Variants in VWA5A observed in about 807,000 individuals in gnomAD.
VWA5A encodes von Willebrand factor A domain containing 5A.
In VWA5A, 77 loss-of-function variants were observed where a neutral mutation model predicts 84.6. The ratio of observed to expected loss-of-function variants is 0.91; its 90% CI spans 0.76 to 1.10. VWA5A has a LOEUF of 1.10. Among genes scored for constraint, VWA5A ranks in the 50% least tolerant of loss-of-function variants. The pLI, the probability that VWA5A is intolerant of heterozygous loss-of-function variation, is 0.00. For synonymous variants in VWA5A, 334 were observed against 350.1 expected, an observed-to-expected ratio of 0.95 and a Z score of 0.51; for missense variants, 973 against 963.0, an observed-to-expected ratio of 1.01 and a Z score of -0.14.
chr11:124,127,201 G>A (rs1007003048), intron 11 of VWA5A, among the ~76,000 whole-genome samples: 1 of 147,380 alleles, frequency 6.8e-6, no homozygotes, highest in Non-Finnish European at 1.5e-5. Flanking sequence ...AGTGAGTGAT[G>A]TTCCCCTCTA....
intron 7 of VWA5A, among the ~76,000 whole-genome samples, chr11:124,119,816 A>T (rs928455107): frequency 4.6e-5 from 7 of 152,244 alleles, no homozygotes; most frequent in African/African-American, 9.6e-5. Context: ...TAGACAGATT[A>T]CCACTATAAA....
At chr11:124,135,292 G>A (rs1289901056) in intron 12 of VWA5A, among the ~76,000 whole-genome samples, 1 of 152,150 alleles carries the variant, frequency 6.6e-6, no homozygotes, top group Non-Finnish European at 1.5e-5. Flanking sequence ...AGGGATCTGG[G>A]CCTTTGCATT....
chr11:124,122,314 CA>C (rs1864944253), intron 7 of VWA5A, among the ~76,000 whole-genome samples: 2 of 152,176 alleles, frequency 1.3e-5, no homozygotes, highest in Admixed American at 1.3e-4. Flanking sequence ...ACAACATGGC[CA>C]GATAGACTGG....
At chr11:124,126,612 A>G (rs1357582760) in intron 11 of VWA5A, among the ~76,000 whole-genome samples, 1 of 152,106 alleles carries the variant, frequency 6.6e-6, no homozygotes, top group African/African-American at 2.4e-5. Context: ...TACAAAAATT[A>G]GCCAGGGCAT....
rs1018160759 is a variant in VWA5A at position 124,128,524 on chromosome 11, A to T, written c.1244+4208A>T. Among the ~76,000 whole-genome samples the T allele has an allele frequency of 5.9e-5, 9 of 152,234 alleles. No homozygotes were observed. In the East Asian group the frequency reaches 1.7e-3, roughly 29 times the overall value. On this transcript the variant is annotated intron_variant, in intron 11 of 18. Coordinates refer to ENST00000456829, the MANE Select transcript of VWA5A (RefSeq NM_001130142.2). ...CTTTTTTGGTTCCATATGAAATTTA[A>T]AGTAGTTTTTTCTAATTCTGTGAAG...
At chr11:124,139,990 G>A (rs1432267197) in intron 15 of VWA5A, among the ~76,000 whole-genome samples, 2 of 152,040 alleles carry the variant, frequency 1.3e-5, no homozygotes, top group East Asian at 3.9e-4. Flanking sequence ...CTATTTTGTT[G>A]AGAGTTTTTA....
chr11:124,123,694 G>C lies in VWA5A; in HGVS notation c.1054G>C (p.Glu352Gln). Reference sequence around the variant, plus strand: ...GAAGTACACTCAGCAAACAATGGAGGAGGCTCTGGGGAGAGTGAAGCTTAT... The same window carrying C: ...GAAGTACACTCAGCAAACAATGGAGCAGGCTCTGGGGAGAGTGAAGCTTAT... ...SVKYTQQTME[E>Q]ALGRVKLMQA... Residue 352 changes from glutamate (E) to glutamine (Q), a missense_variant, in exon 10 of 19, where the codon GAG becomes CAG. Coordinates refer to ENST00000456829, the MANE Select transcript of VWA5A (RefSeq NM_001130142.2). 1 of 1,614,046 alleles carries C rather than the reference G, an allele frequency of 6.2e-7. No homozygotes were observed. Among genetic ancestry groups the C allele is most frequent in the Non-Finnish European group, 8.5e-7 (1 of 1,180,008 alleles).
At chr11:124,136,707 T>A in intron 14 of VWA5A, 33 bp downstream of exon 14, 1 of 957,138 alleles carries the variant, frequency 1.0e-6, no homozygotes, top group Non-Finnish European at 1.5e-6. Flanking sequence ...CTTCCTTCCT[T>A]CCTTCCTTCC....
chr11:124,134,788 G>A, intron 11 of VWA5A, 132 bp from the exon 12 acceptor site: 1 of 593,774 alleles, frequency 1.7e-6, no homozygotes, highest in Non-Finnish European at 2.9e-6. Context: ...AATATGCTCA[G>A]TAAATGGTAG....
rs942364631 is a variant in VWA5A, at chr11:124,146,191, C to T, written c.*246C>T. ...ACCTATTCCCTTTCTTGAGGGAGTTCAAAACATTCATAGGCAGTAATGTTC... is the reference window on the plus strand; with the variant it reads ...ACCTATTCCCTTTCTTGAGGGAGTTTAAAACATTCATAGGCAGTAATGTTC... On this transcript the variant is annotated 3_prime_UTR_variant, in exon 19 of 19. Coordinates refer to ENST00000456829, the MANE Select transcript of VWA5A (RefSeq NM_001130142.2). The T allele has an allele frequency of 5.5e-6, 2 of 362,836 alleles. No individual in the cohort carries two copies. Among genetic ancestry groups the T allele is most frequent in the Admixed American group, 4.7e-5 (1 of 21,382 alleles). The allele number at this position is 362,836 out of a possible 1,614,324, so 22.5% of individuals were successfully genotyped here. A position where few individuals can be genotyped will look rare whatever the true frequency, so the allele number is the denominator to read the frequency against.
intron 11 of VWA5A, among the ~76,000 whole-genome samples, chr11:124,126,870 C>T (rs1172430634): frequency 6.6e-6 from 1 of 152,094 alleles, no homozygotes; most frequent in Non-Finnish European, 1.5e-5. Context: ...TATTTGAGGG[C>T]AAACCACAGA....
chr11:124,138,894 G>A (rs1460625008), intron 15 of VWA5A, among the ~76,000 whole-genome samples: 2 of 152,068 alleles, frequency 1.3e-5, no homozygotes, highest in Non-Finnish European at 2.9e-5. Context: ...TCTTCTAGTT[G>A]TTTCACAGTT....
Position 124,141,658 on chromosome 11 carries a change from T to G in VWA5A, c.1940T>G (p.Leu647Arg). The change falls in exon 16 of 19, where the codon CTT becomes CGT. Residue 647 changes from leucine (L) to arginine (R), a missense_variant. Leu to Arg is a moderately radical substitution (Grantham distance 102). Coordinates refer to ENST00000456829, the MANE Select transcript of VWA5A (RefSeq NM_001130142.2). ...TCTGCATCTCAGCCCAGAGGGGAAC[T>G]TATGTGTTATAAGGCCAAGACATTC... ...PPSASQPRGE[L>R]MCYKAKTFQM... 2 of 1,614,152 alleles carry G rather than the reference T, an allele frequency of 1.2e-6. No homozygotes were observed. The highest frequency in any genetic ancestry group is 1.7e-6 in the Non-Finnish European group (2 of 1,180,014).
intron 18 of VWA5A, 65 bp downstream of exon 18, chr11:124,145,428 G>C (rs1591368605): frequency 6.6e-7 from 1 of 1,523,262 alleles, no homozygotes; most frequent in East Asian, 2.3e-5. Flanking sequence ...GTGACCACAA[G>C]AGAGTCCCAT....
intron 9 of VWA5A, 31 bp from the exon 10 acceptor site, chr11:124,123,629 T>A (rs1864968827): frequency 5.0e-6 from 8 of 1,614,152 alleles, no homozygotes; most frequent in Non-Finnish European, 6.8e-6. Flanking sequence ...TAAGTAACCC[T>A]CATGTAACTG....
At position 124,118,789 on chromosome 11, in the gene VWA5A, G is replaced by A. The variant is rs41484446; in HGVS notation, c.645+81G>A. On this transcript the variant is annotated intron_variant, in intron 6 of 18. Transcript: ENST00000456829. ...TTGGTCCCCAACCAGTTCTTCCCAA[G>A]TGGTAACCCAGAGGGGGTCCCACAT... is the stretch of plus-strand genomic sequence containing the variant. 26,308 of 1,521,748 alleles carry A rather than the reference G, an allele frequency of 0.017. 3,702 individuals are homozygous for A. In the African/African-American group the frequency reaches 0.31, roughly 18 times the overall value. The allele number at this position is 1,521,748 out of a possible 1,614,324, so 94.3% of individuals were successfully genotyped here.
At position 124,117,849 on chromosome 11, in the gene VWA5A, G is replaced by A. The variant is rs750066021; in HGVS notation, c.220G>A (p.Val74Ile). Residue 74 changes from valine (V) to isoleucine (I), a missense_variant, in exon 4 of 19, where the codon GTA becomes ATA. By Grantham distance (29) the Val-to-Ile change is conservative. Coordinates refer to ENST00000456829, the MANE Select transcript of VWA5A (RefSeq NM_001130142.2). ...GGCCTTGGTGGATGGGAAGAAAATT[G>A]TAGCAGAATTACAAGACAAGATGAA... ...FEALVDGKKI[V>I]AELQDKMKAR... 1 of 1,614,176 alleles carries A rather than the reference G, an allele frequency of 6.2e-7. No individual in the cohort carries two copies. The highest frequency in any genetic ancestry group is 8.5e-7 in the Non-Finnish European group (1 of 1,180,030).
chr11:124,130,772 A>G (rs1865085043), intron 11 of VWA5A, among the ~76,000 whole-genome samples: 1 of 152,002 alleles, frequency 6.6e-6, no homozygotes, highest in African/African-American at 2.4e-5. Context: ...GCCCTTGAAG[A>G]AATAGTTTTT....
chr11:124,136,598 T>G lies in VWA5A; in HGVS notation c.1549T>G (p.Cys517Gly), dbSNP rs1319732042. Residue 517 changes from cysteine (C) to glycine (G), a missense_variant, in exon 14 of 19, where the codon TGC becomes GGC. Coordinates refer to ENST00000456829, the MANE Select transcript of VWA5A (RefSeq NM_001130142.2). ...MPAAETTGEV[C>G]LKYTLQGKTF... ...GGCAGCAGAGACAACAGGAGAAGTA[T>G]GCCTCAAATATACACTCCAGGGCAA... is the stretch of plus-strand genomic sequence containing the variant. 2.9e-5 allele frequency: 47 copies of G among 1,614,122 alleles called. No individual in the cohort carries two copies. Among genetic ancestry groups the G allele is most frequent in the Non-Finnish European group, 3.6e-5 (42 of 1,180,016 alleles).
Sources: gnomAD v4.1 joint callset for allele counts (sites outside exome capture counted in the v4.1 genomes callset) on GRCh38, gnomAD v4.1.1 for gene constraint, MANE v1.5 for transcripts, NCBI Gene and HGNC (gene_info 2026-07-23, HGNC 2026-07-21) for gene names.